The following TPH2 variants were observed in gnomAD, a reference collection of about 807,000 sequenced individuals.
The protein encoded by TPH2 is tryptophan hydroxylase 2.
TPH2 carries 27 observed loss-of-function variants against 59.1 expected under a neutral mutation model. The ratio of observed to expected loss-of-function variants is 0.46; its 90% CI spans 0.34 to 0.63. TPH2 has a LOEUF of 0.63. Ranked by LOEUF, TPH2 falls within the 30% of genes least tolerant of loss-of-function variation. TPH2 has a pLI of 0.01. For missense variants in TPH2, 523 were observed against 588.3 expected (o/e 0.89, Z 1.15); for synonymous variants, 220 against 210.5 (o/e 1.05, Z -0.39).
At chr12:71,941,798 C>T (rs1160417323) in intron 2 of TPH2, 65 bp downstream of exon 2, 3 of 1,490,570 alleles carry the variant, frequency 2.0e-6, no homozygotes, top group Non-Finnish European at 2.8e-6. Context: ...AACCTGTTAT[C>T]TGCTATGAAA....
At chr12:71,998,779 T>C (rs187028541) in intron 8 of TPH2, among the ~76,000 whole-genome samples, 12 of 152,216 alleles carry the variant, frequency 7.9e-5, no homozygotes, top group Admixed American at 2.6e-4. Flanking sequence ...TTAAGTCTTC[T>C]GAAGAAGTAG....
Position 71,992,226 on chromosome 12 carries a change from C to T in TPH2, c.942-2213C>T, listed in dbSNP as rs114315549. On this transcript the variant is annotated intron_variant, in intron 7 of 10. Transcript: ENST00000333850. The stretch of plus-strand genomic sequence containing the variant: ...CCCTTTCTTGCTTACACCATACCTG[C>T]AAATTGAAACAACAGAGAGCAGAAA... Among the ~76,000 whole-genome samples the T allele has an allele frequency of 2.6e-3, 393 of 152,310 alleles. 2 individuals are homozygous for T. Among genetic ancestry groups the T allele is most frequent in the African/African-American group, 9.0e-3 (374 of 41,566 alleles).
intron 8 of TPH2, among the ~76,000 whole-genome samples, chr12:72,005,765 CT>C (rs1872940145): frequency 6.6e-6 from 1 of 152,238 alleles, no homozygotes. Flanking sequence ...GCTTTTCCTT[CT>C]TTGTTTTGAG....
intron 8 of TPH2, among the ~76,000 whole-genome samples, chr12:72,001,783 G>T (rs1255165748): frequency 6.6e-6 from 1 of 151,770 alleles, no homozygotes; most frequent in Non-Finnish European, 1.5e-5. Flanking sequence ...TCCATTTGAA[G>T]GTGCCATTGG....
chr12:71,941,801 C>T, intron 2 of TPH2, 68 bp downstream of exon 2: 1 of 1,461,060 alleles, frequency 6.8e-7, no homozygotes, highest in East Asian at 2.3e-5. Context: ...CTGTTATCTG[C>T]TATGAAACAT....
chr12:71,970,304 A>G (rs1009569536), intron 5 of TPH2, among the ~76,000 whole-genome samples: 2 of 152,232 alleles, frequency 1.3e-5, no homozygotes, highest in Admixed American at 1.3e-4. Context: ...AGAGACAAAC[A>G]GAACAGTTGA....
intron 6 of TPH2, among the ~76,000 whole-genome samples, chr12:71,975,340 G>C (rs1872086538): frequency 6.6e-6 from 1 of 152,136 alleles, no homozygotes; most frequent in South Asian, 2.1e-4. Context: ...GTGGGACTCT[G>C]TCTCAAAACA....
At chr12:72,023,821 G>GAA (rs767208238) in intron 9 of TPH2, among the ~76,000 whole-genome samples, 1 of 27,928 alleles carries the variant, frequency 3.6e-5, no homozygotes, top group Non-Finnish European at 8.4e-5. Flanking sequence ...GACTCTGACA[G>GAA]AAAAAAAAAA....
chr12:71,954,746 C>T (rs1044035776), intron 5 of TPH2, among the ~76,000 whole-genome samples: 3 of 152,042 alleles, frequency 2.0e-5, no homozygotes, highest in Non-Finnish European at 2.9e-5. Context: ...ATCAGTGATA[C>T]GTTTTTTCAA....
chr12:71,945,411 C>T (rs566519429), intron 4 of TPH2, among the ~76,000 whole-genome samples: 54 of 152,078 alleles, frequency 3.6e-4, no homozygotes, highest in Non-Finnish European at 5.7e-4. Flanking sequence ...AGCAATGCAC[C>T]CATTCATTAT....
At chr12:71,961,791 G>A in intron 5 of TPH2, 1 of 1,259,964 alleles carries the variant, frequency 7.9e-7, no homozygotes, top group Non-Finnish European at 1.0e-6. Flanking sequence ...CCTATCCTGT[G>A]GTGCACAGGA....
intron 9 of TPH2, among the ~76,000 whole-genome samples, chr12:72,029,354 A>G (rs1318985724): frequency 6.6e-6 from 1 of 152,198 alleles, no homozygotes; most frequent in African/African-American, 2.4e-5. Flanking sequence ...AGTCCTTTCC[A>G]TATGTACTGA....
chr12:71,943,307 G>A (rs1382594299), intron 2 of TPH2, among the ~76,000 whole-genome samples: 3 of 152,148 alleles, frequency 2.0e-5, no homozygotes, highest in Non-Finnish European at 4.4e-5. Flanking sequence ...AAAATTCTGA[G>A]ATCATCTAGG....
intron 5 of TPH2, chr12:71,964,932 C>T (rs1366219938): frequency 2.3e-5 from 4 of 174,598 alleles, no homozygotes; most frequent in Non-Finnish European, 4.5e-5. Flanking sequence ...TCCTCACCCT[C>T]CTCTCACCCT....
intron 7 of TPH2, 124 bp downstream of exon 7, chr12:71,979,211 T>C: frequency 7.2e-7 from 1 of 1,390,124 alleles, no homozygotes; most frequent in Non-Finnish European, 1.0e-6. Flanking sequence ...GAGAGTCACA[T>C]CACTCACCTA....
chr12:71,940,163 C>T (rs1871017013), intron 1 of TPH2, among the ~76,000 whole-genome samples: 1 of 152,024 alleles, frequency 6.6e-6, no homozygotes, highest in South Asian at 2.1e-4. Flanking sequence ...AGAAGGAAAA[C>T]AAAGTAAGCT....
intron 5 of TPH2, among the ~76,000 whole-genome samples, chr12:71,958,055 C>T (rs10879346): frequency 0.5 from 76,325 of 152,092 alleles, 19,850 homozygotes; most frequent in Middle Eastern, 0.59. Flanking sequence ...CATTATTGTA[C>T]GCACTTTGAA....
intron 6 of TPH2, among the ~76,000 whole-genome samples, chr12:71,978,565 A>G (rs1424908440): frequency 1.3e-5 from 2 of 152,258 alleles, no homozygotes; most frequent in African/African-American, 2.4e-5. Flanking sequence ...CACTGAACAC[A>G]TGCACACAGA....
At chr12:71,986,959 C>A (rs1287298017) in intron 7 of TPH2, among the ~76,000 whole-genome samples, 1 of 152,170 alleles carries the variant, frequency 6.6e-6, no homozygotes, top group East Asian at 1.9e-4. Flanking sequence ...TACCTCTTTA[C>A]TACCGTGTAG....
Sources: gnomAD v4.1 joint callset for allele counts (sites outside exome capture counted in the v4.1 genomes callset) on GRCh38, gnomAD v4.1.1 for gene constraint, MANE v1.5 for transcripts, NCBI Gene and HGNC (gene_info 2026-07-23, HGNC 2026-07-21) for gene names.